MAN2A1: variants seen among roughly 807,000 people sequenced by gnomAD.
MAN2A1 encodes the protein alpha-mannosidase 2.
MAN2A1 carries 76 observed loss-of-function variants against 142.6 expected under a neutral mutation model. The observed-to-expected ratio is 0.53, with a 90% CI of 0.44 to 0.65. The LOEUF is 0.65. MAN2A1 is among the 30% of genes least tolerant of loss of function. The pLI is 0.00. For missense variants in MAN2A1, 1,311 were observed against 1,365.1 expected (o/e 0.96, Z 0.62); for synonymous variants, 559 against 473.2 (o/e 1.18, Z -2.35).
chr5:109,769,684 T>C (rs1753088892), intron 6 of MAN2A1, among the ~76,000 whole-genome samples: 2 of 152,206 alleles, frequency 1.3e-5, no homozygotes, highest in Admixed American at 6.5e-5. Flanking sequence ...CTTATTCGTT[T>C]TGTTTTTATT....
intron 4 of MAN2A1, among the ~76,000 whole-genome samples, chr5:109,750,863 A>T (rs929850999): frequency 6.6e-6 from 1 of 152,004 alleles, no homozygotes; most frequent in African/African-American, 2.4e-5. Context: ...ATTGATGCAA[A>T]TATTTGTACA....
chr5:109,823,968 T>G (rs1453767488), intron 16 of MAN2A1, 131 bp downstream of exon 16: 7 of 501,974 alleles, frequency 1.4e-5, no homozygotes, highest in Non-Finnish European at 2.4e-5. Flanking sequence ...ATTTTTAATA[T>G]GATTTAAAAT....
chr5:109,759,360 A>G (rs1040568778), intron 5 of MAN2A1, among the ~76,000 whole-genome samples: 4 of 152,038 alleles, frequency 2.6e-5, no homozygotes, highest in African/African-American at 9.7e-5. Flanking sequence ...TCATTTTAGG[A>G]TTATTCATTG....
chr5:109,853,921 T>G (rs1755545078), intron 19 of MAN2A1: 1 of 146,206 alleles, frequency 6.8e-6, no homozygotes, highest in Non-Finnish European at 1.6e-5. Context: ...GTCTTAAAAT[T>G]TTTTTTTTCT....
chr5:109,732,064 T>G (rs1482500832), intron 4 of MAN2A1, among the ~76,000 whole-genome samples: 1 of 151,962 alleles, frequency 6.6e-6, no homozygotes, highest in Non-Finnish European at 1.5e-5. Flanking sequence ...CTAACTGGAG[T>G]GAGATGGTAT....
chr5:109,762,609 CAGGGTCAGT>C (rs1752881995), intron 5 of MAN2A1, among the ~76,000 whole-genome samples: 1 of 152,106 alleles, frequency 6.6e-6, no homozygotes, highest in Admixed American at 6.5e-5. Context: ...GGCAATGTGG[CAGGGTCAGT>C]CTGAGAATGT....
At chr5:109,807,302 C>G (rs1486236823) in intron 12 of MAN2A1, among the ~76,000 whole-genome samples, 1 of 152,100 alleles carries the variant, frequency 6.6e-6, no homozygotes, top group Non-Finnish European at 1.5e-5. Flanking sequence ...GGAAGTTAGT[C>G]CTCATTTTCA....
In MAN2A1 at chr5:109,774,877, A is replaced by T. The variant is rs139853677; in HGVS notation, c.1286A>T (p.Tyr429Phe). 64 of 1,611,812 alleles carry T rather than the reference A, an allele frequency of 4.0e-5. No individual in the cohort carries two copies. In the African/African-American group the frequency reaches 7.8e-4, roughly 20 times the overall value. Reference protein sequence around the residue: ...LLAPLGDDFRYCEYTEWDLQF... With the variant: ...LLAPLGDDFRFCEYTEWDLQF... The stretch of plus-strand genomic sequence containing the variant: ...GCTCCACTAGGAGATGATTTCCGCT[A>T]CTGTGAATACACGGAATGGGATTTA... Residue 429 changes from tyrosine to phenylalanine, a missense_variant, in exon 8 of 22, where the codon TAC becomes TTC. By Grantham distance (22) the Tyr-to-Phe change is conservative. Around this residue, in one of 3 missense-constraint regions of MAN2A1, gnomAD observed 890 missense variants for 920.5 expected, o/e 0.97. Coordinates refer to ENST00000261483, the MANE Select transcript of MAN2A1 (RefSeq NM_002372.4).
At chr5:109,722,280 A>G (rs1445207626) in intron 3 of MAN2A1, among the ~76,000 whole-genome samples, 1 of 151,956 alleles carries the variant, frequency 6.6e-6, no homozygotes, top group African/African-American at 2.4e-5. Context: ...TTTCCTTCTG[A>G]TTTATCTTAA....
intron 19 of MAN2A1, among the ~76,000 whole-genome samples, chr5:109,852,169 C>T (rs970698960): frequency 6.6e-6 from 1 of 151,302 alleles, no homozygotes; most frequent in East Asian, 1.9e-4. Flanking sequence ...ATTTTAATAC[C>T]ATACAGACCT....
At chr5:109,829,101 C>T (rs1269609593) in intron 16 of MAN2A1, among the ~76,000 whole-genome samples, 2 of 152,152 alleles carry the variant, frequency 1.3e-5, no homozygotes, top group Non-Finnish European at 2.9e-5. Flanking sequence ...GTTCATGACG[C>T]TTTTGTAAGC....
intron 16 of MAN2A1, among the ~76,000 whole-genome samples, chr5:109,839,248 A>G (rs1002034967): frequency 6.6e-6 from 1 of 152,176 alleles, no homozygotes; most frequent in African/African-American, 2.4e-5. Flanking sequence ...AATTCCATAT[A>G]CATTTCATTT....
Position 109,856,581 on chromosome 5 carries a change from T to C in MAN2A1, c.3171+1247T>C, listed in dbSNP as rs185456211. ...GATGAAGACCTCTTGTATTTGTAAA[T>C]TGCTGTCCTGCCATCAAGCAGGCAG... On this transcript the variant is annotated intron_variant, in intron 20 of 21. Coordinates refer to ENST00000261483, the MANE Select transcript of MAN2A1 (RefSeq NM_002372.4). Among the ~76,000 whole-genome samples the C allele has an allele frequency of 2.9e-3, 442 of 152,294 alleles. 3 individuals are homozygous for C. Among genetic ancestry groups the C allele is most frequent in the African/African-American group, 0.01 (418 of 41,570 alleles).
intron 15 of MAN2A1, among the ~76,000 whole-genome samples, chr5:109,820,903 G>C (rs939284941): frequency 7.2e-5 from 11 of 152,186 alleles, no homozygotes; most frequent in African/African-American, 2.4e-4. Flanking sequence ...ATTTTACGTA[G>C]AGTTAGGGAG....
intron 6 of MAN2A1, among the ~76,000 whole-genome samples, chr5:109,769,423 A>C (rs1411685469): frequency 6.6e-6 from 1 of 152,146 alleles, no homozygotes; most frequent in East Asian, 1.9e-4. Context: ...TAAAAATGTA[A>C]ATTTTTTTGT....
At chr5:109,840,929 T>C (rs1371009863) in intron 16 of MAN2A1, among the ~76,000 whole-genome samples, 2 of 152,204 alleles carry the variant, frequency 1.3e-5, no homozygotes, top group African/African-American at 2.4e-5. Context: ...TCTTTAACTC[T>C]TTGCTGTCAC....
At chr5:109,775,846 CTTTG>C (rs574740893) in intron 8 of MAN2A1, among the ~76,000 whole-genome samples, 1 of 152,008 alleles carries the variant, frequency 6.6e-6, no homozygotes, top group Non-Finnish European at 1.5e-5. Context: ...TTAACACATG[CTTTG>C]TTTGAGTCAA....
intron 4 of MAN2A1, among the ~76,000 whole-genome samples, chr5:109,735,450 GC>G (rs1561485263): frequency 6.6e-6 from 1 of 152,190 alleles, no homozygotes; most frequent in Non-Finnish European, 1.5e-5. Flanking sequence ...GTTAGTTGAT[GC>G]AGTTTCTTCC....
rs1481466738 is a variant in MAN2A1 at position 109,718,956 on chromosome 5, A to T, written c.535+2692A>T. 3.0e-5 allele frequency among the ~76,000 whole-genome samples: 4 copies of T among 132,952 alleles called. No individual in the cohort carries two copies. In the East Asian group the frequency reaches 8.3e-4, roughly 27 times the overall value. The allele number at this position is 132,952 out of a possible 152,430, so 87.2% of individuals were successfully genotyped here. A position where few individuals can be genotyped will look rare whatever the true frequency, so the allele number is the denominator to read the frequency against. Reference sequence around the variant, plus strand: ...TTTCTTTTAAGTTCCCTCCTTCCTGATGGCTACTTATTTCTATTCTTAAAA... The same window carrying T: ...TTTCTTTTAAGTTCCCTCCTTCCTGTTGGCTACTTATTTCTATTCTTAAAA... On this transcript the variant is annotated intron_variant, in intron 3 of 21. Transcript: ENST00000261483.
Sources: gnomAD v4.1 joint callset for allele counts (sites outside exome capture counted in the v4.1 genomes callset) on GRCh38, gnomAD v4.1.1 for gene constraint, gnomAD v4.1.1 regional missense constraint, MANE v1.5 for transcripts, NCBI Gene and HGNC (gene_info 2026-07-23, HGNC 2026-07-21) for gene names.